The following SND1 variants were observed in gnomAD, a reference collection of about 807,000 sequenced individuals.
The protein encoded by SND1 is staphylococcal nuclease domain-containing protein 1.
In SND1, 38 loss-of-function variants were observed where a neutral mutation model predicts 121.7. That is an observed-to-expected ratio of 0.31 (90% CI 0.24 to 0.41). SND1 has a LOEUF of 0.41. Ranked by LOEUF, SND1 falls within the 10% of genes least tolerant of loss-of-function variation. The pLI is 1.00. For synonymous variants in SND1, 401 were observed against 447.4 expected (o/e 0.90, Z 1.31); for missense variants, 868 against 1,184.6 (o/e 0.73, Z 3.92).
intron 11 of SND1, among the ~76,000 whole-genome samples, chr7:127,836,134 G>C (rs1798863297): frequency 6.6e-6 from 1 of 152,174 alleles, no homozygotes; most frequent in South Asian, 2.1e-4. Flanking sequence ...GCCATATTCA[G>C]CTGTATTTTA....
At chr7:128,076,585 C>T (rs1793509970) in intron 17 of SND1, among the ~76,000 whole-genome samples, 1 of 152,114 alleles carries the variant, frequency 6.6e-6, no homozygotes, top group Admixed American at 6.5e-5. Flanking sequence ...ATCTGGTGGC[C>T]GGCTGGGGGA....
At chr7:127,854,559 T>C (rs1221446994) in intron 12 of SND1, among the ~76,000 whole-genome samples, 1 of 150,710 alleles carries the variant, frequency 6.6e-6, no homozygotes, top group Non-Finnish European at 1.5e-5. Flanking sequence ...TTTATTTATT[T>C]ATTTATTTAT....
In SND1 at chr7:128,029,124, A is replaced by G. The variant is rs752557447; in HGVS notation, c.1779+38068A>G. On this transcript the variant is annotated intron_variant, in intron 16 of 23. Transcript: ENST00000354725. The surrounding 1 kb of genome is among the most constrained non-coding windows in gnomAD (Gnocchi z 4.2). ...CTTGTCAGTGGTGTCTGTCGCGGGT[A>G]CTGCCACCTGCTTGGGCACACGGGT... 12 of 1,613,956 alleles carry G rather than the reference A, an allele frequency of 7.4e-6. No homozygotes were observed. In the African/African-American group the frequency reaches 1.5e-4, roughly 20 times the overall value.
intron 15 of SND1, among the ~76,000 whole-genome samples, chr7:127,956,608 T>C (rs1303965487): frequency 6.6e-6 from 1 of 152,182 alleles, no homozygotes; most frequent in Non-Finnish European, 1.5e-5. Context: ...CCCTAAGTCC[T>C]GTTTCCTGCA....
intron 16 of SND1, among the ~76,000 whole-genome samples, chr7:128,034,860 C>T (rs1453523388): frequency 2.0e-5 from 3 of 152,346 alleles, no homozygotes; most frequent in African/African-American, 7.2e-5. Context: ...TGCAGCCTCT[C>T]ATTTTGGTAA....
rs557079602 is a variant in SND1 at position 127,695,514 on chromosome 7, T to G, written c.349+566T>G. Among the ~76,000 whole-genome samples the G allele has an allele frequency of 2.0e-5, 3 of 152,226 alleles. No homozygotes were observed. The South Asian group carries it at 6.2e-4, about 32-fold the overall frequency. ...CCTCTGTAAGCCCTAGTTTCTTCATTTGTAAGTTATTGAGAGAGTTGAAAG... is the reference window on the plus strand; with the variant it reads ...CCTCTGTAAGCCCTAGTTTCTTCATGTGTAAGTTATTGAGAGAGTTGAAAG... On this transcript the variant is annotated intron_variant, in intron 3 of 23. Transcript: ENST00000354725.
rs946468813 is a variant in SND1 at position 128,042,072 on chromosome 7, C to G, written c.1780-32430C>G. Among the ~76,000 whole-genome samples the G allele has an allele frequency of 1.3e-4, 20 of 152,110 alleles. No individual in the cohort carries two copies. The East Asian group carries it at 3.7e-3, about 28-fold the overall frequency. ...CACTGGCAGCCTGGCTAGAAGAGCT[C>G]TCATTCTCTATCACTTTCTTGGTGA... On this transcript the variant is annotated intron_variant, in intron 16 of 23. Coordinates refer to ENST00000354725, the MANE Select transcript of SND1 (RefSeq NM_014390.4).
chr7:127,769,651 A>G (rs1207675948), intron 10 of SND1, among the ~76,000 whole-genome samples: 2 of 151,838 alleles, frequency 1.3e-5, no homozygotes, highest in Non-Finnish European at 2.9e-5. Context: ...TTTTCCTTGT[A>G]TAATGTTGAT....
intron 10 of SND1, among the ~76,000 whole-genome samples, chr7:127,736,943 G>A (rs1158363810): frequency 6.6e-6 from 1 of 152,138 alleles, no homozygotes; most frequent in East Asian, 1.9e-4. Flanking sequence ...TGTTTTGGCC[G>A]ATAAGCTGCT....
intron 16 of SND1, among the ~76,000 whole-genome samples, chr7:128,046,365 GT>G (rs373853260): frequency 0.074 from 8,509 of 114,880 alleles, 167 homozygotes; most frequent in African/African-American, 0.18. Flanking sequence ...TTGTTGTTGT[GT>G]TTTTTTTTTT....
chr7:128,074,697 G>T lies in SND1; in HGVS notation c.1968+7G>T. The T allele has an allele frequency of 6.2e-7, 1 of 1,604,478 alleles. No individual in the cohort carries two copies. Among genetic ancestry groups the T allele is most frequent in the Non-Finnish European group, 8.5e-7 (1 of 1,175,440 alleles). ...AAAGCAGAAGAAAGAGAAGGTACAT[G>T]TGGCAGCCCAGCTGTGCTCTCCCTG... is the stretch of plus-strand genomic sequence containing the variant. On this transcript the variant is annotated splice_region_variant and intron_variant, in intron 17 of 23. Transcript: ENST00000354725.
At chr7:127,758,514 A>G (rs1305579393) in intron 10 of SND1, among the ~76,000 whole-genome samples, 1 of 152,176 alleles carries the variant, frequency 6.6e-6, no homozygotes, top group African/African-American at 2.4e-5. Flanking sequence ...GGATTTTTGC[A>G]TATATGACTA....
intron 11 of SND1, among the ~76,000 whole-genome samples, chr7:127,841,205 G>C (rs1477386785): frequency 6.6e-6 from 1 of 152,024 alleles, no homozygotes; most frequent in African/African-American, 2.4e-5. Context: ...TCCCACCCCT[G>C]TCTGCCTACT....
At chr7:127,948,653 G>T (rs117891171) in intron 15 of SND1, among the ~76,000 whole-genome samples, 1,601 of 152,328 alleles carry the variant, frequency 0.011, 16 homozygotes, top group Non-Finnish European at 0.017. Context: ...CTAATGAGAT[G>T]AGGACCTTGG....
chr7:127,889,856 C>T (rs760937393), intron 13 of SND1, among the ~76,000 whole-genome samples: 6 of 152,062 alleles, frequency 3.9e-5, no homozygotes, highest in Non-Finnish European at 7.4e-5. Context: ...GACAGGATCT[C>T]ATTCTTTTTT....
chr7:127,707,206 T>C (rs192848988), intron 8 of SND1, among the ~76,000 whole-genome samples: 147 of 152,346 alleles, frequency 9.6e-4, no homozygotes, highest in Middle Eastern at 3.4e-3. Flanking sequence ...AGCAGGTCTG[T>C]GCTTTTTAAG....
intron 1 of SND1, among the ~76,000 whole-genome samples, chr7:127,663,522 C>T (rs1795356562): frequency 6.6e-6 from 1 of 152,120 alleles, no homozygotes; most frequent in Admixed American, 6.5e-5. Context: ...CAGGTGCATG[C>T]CACTATGCCT....
chr7:127,922,567 G>A (rs979106020), intron 14 of SND1, among the ~76,000 whole-genome samples: 2 of 152,052 alleles, frequency 1.3e-5, no homozygotes, highest in African/African-American at 2.4e-5. Flanking sequence ...CTTTCTTAGG[G>A]CTCCTTAAAC....
At chr7:127,830,431 C>G (rs746084980) in intron 11 of SND1, among the ~76,000 whole-genome samples, 2 of 152,118 alleles carry the variant, frequency 1.3e-5, no homozygotes, top group Non-Finnish European at 2.9e-5. Flanking sequence ...GAGGAAGTAC[C>G]TTATAATTGC....
Sources: gnomAD v4.1 joint callset for allele counts (sites outside exome capture counted in the v4.1 genomes callset) on GRCh38, gnomAD v4.1.1 for gene constraint, Gnocchi (gnomAD v3.1) non-coding constraint, MANE v1.5 for transcripts, NCBI Gene and HGNC (gene_info 2026-07-23, HGNC 2026-07-21) for gene names.